The following ACSBG1 variants were observed in gnomAD, a reference collection of about 807,000 sequenced individuals.
The protein encoded by ACSBG1 is long-chain-fatty-acid--CoA ligase ACSBG1.
In ACSBG1, 39 loss-of-function variants were observed where a neutral mutation model predicts 80.2. That is an observed-to-expected ratio of 0.49 (90% CI 0.38 to 0.64). ACSBG1 has a LOEUF of 0.64. ACSBG1 is among the 30% of genes least tolerant of loss of function. The probability of loss-of-function intolerance (pLI) is 0.00; values close to 1 mark genes in which losing one functional copy is unlikely to be tolerated. For synonymous variants in ACSBG1, 392 were observed against 379.5 expected (o/e 1.03, Z -0.38); for missense variants, 828 against 966.4 (o/e 0.86, Z 1.90).
intron 11 of ACSBG1, among the ~76,000 whole-genome samples, chr15:78,176,786 G>A (rs2074886918): frequency 6.6e-6 from 1 of 151,976 alleles, no homozygotes; most frequent in African/African-American, 2.4e-5. Context: ...AGCCAGTTGT[G>A]GTGGCTTGCA....
chr15:78,198,822 G>C (rs1242374673), intron 2 of ACSBG1, among the ~76,000 whole-genome samples: 1 of 152,190 alleles, frequency 6.6e-6, no homozygotes, highest in Non-Finnish European at 1.5e-5. Context: ...TGGCAGGGGA[G>C]AGAGATCATC....
intron 2 of ACSBG1, among the ~76,000 whole-genome samples, chr15:78,204,342 G>T (rs11854348): frequency 6.6e-6 from 1 of 152,222 alleles, no homozygotes; most frequent in Non-Finnish European, 1.5e-5. Flanking sequence ...CTGTAAAGGT[G>T]AGCATGCTCA....
At chr15:78,179,465 G>A in intron 10 of ACSBG1, 85 bp downstream of exon 10, 1 of 1,284,670 alleles carries the variant, frequency 7.8e-7, no homozygotes, top group Non-Finnish European at 1.1e-6. Context: ...AAAGAGAAGG[G>A]GATCCCCAGG....
intron 5 of ACSBG1, among the ~76,000 whole-genome samples, chr15:78,188,288 T>C (rs1162748458): frequency 6.6e-6 from 1 of 152,112 alleles, no homozygotes; most frequent in East Asian, 1.9e-4. Context: ...CCCATCAAGC[T>C]ACCAATGACT....
chr15:78,209,027 T>C (rs2075244158), intron 1 of ACSBG1: 3 of 404,296 alleles, frequency 7.4e-6, no homozygotes, highest in East Asian at 7.2e-5. Flanking sequence ...GCATGCAACC[T>C]GTGCAGCTGG....
chr15:78,207,375 T>A (rs1404932167), intron 2 of ACSBG1, among the ~76,000 whole-genome samples: 1 of 152,158 alleles, frequency 6.6e-6, no homozygotes, highest in Non-Finnish European at 1.5e-5. Flanking sequence ...GTATCTATTG[T>A]TTTCTTTTTG....
chr15:78,215,169 C>G (rs1388131428), intron 1 of ACSBG1, among the ~76,000 whole-genome samples: 1 of 152,196 alleles, frequency 6.6e-6, no homozygotes, highest in Non-Finnish European at 1.5e-5. Flanking sequence ...CAGACCTCTC[C>G]TTTGTCCTGA....
At chr15:78,233,862 C>T (rs1401507224) in intron 1 of ACSBG1, among the ~76,000 whole-genome samples, 1 of 152,184 alleles carries the variant, frequency 6.6e-6, no homozygotes, top group Non-Finnish European at 1.5e-5. Context: ...CTCTAAATCA[C>T]AGATTACTGG....
Position 78,178,472 on chromosome 15 carries a change from GT to G in ACSBG1, c.1702+141del. The G allele has an allele frequency of 1.1e-6, 1 of 893,638 alleles. No individual in the cohort carries two copies. The allele number at this position is 893,638 out of a possible 1,614,324, so 55.4% of individuals were successfully genotyped here. On this transcript the variant is annotated intron_variant, in intron 11 of 13. Transcript: ENST00000258873. The surrounding 1 kb of genome is among the most constrained non-coding windows in gnomAD (Gnocchi z 4.3). ...TGCCACCACGCCCAGCTAATTTTTC[GT>G]GTGTTTTTAGTAGAGATGGGGTTTC...
intron 1 of ACSBG1, chr15:78,212,871 G>C: frequency 4.3e-6 from 1 of 234,588 alleles, no homozygotes; most frequent in South Asian, 4.8e-5. Flanking sequence ...AACACCCTCA[G>C]AATCAATGGA....
chr15:78,194,518 C>T lies in ACSBG1; in HGVS notation c.441G>A (p.Lys147=). ...GGGGCCCCCTTACCTTCAGGAAGCC[C>T]TTGGCGGCTCTGCGGGCGAGCAGGT... ...QYYLLARRAA[K]GFLKLGLKQA... The change falls in exon 3 of 14, where the codon AAG becomes AAA. Residue 147 remains lysine, a synonymous_variant. Coordinates refer to ENST00000258873, the MANE Select transcript of ACSBG1 (RefSeq NM_015162.5). 6.2e-7 allele frequency: 1 copy of T among 1,614,188 alleles called. No homozygotes were observed. Among genetic ancestry groups the T allele is most frequent in the Non-Finnish European group, 8.5e-7 (1 of 1,180,012 alleles).
chr15:78,180,868 C>T lies in ACSBG1; in HGVS notation c.1140G>A (p.Glu380=). ...CCTCCTGGATGCGCTCCATGATCTT[C>T]TCCCATACCCGGGGCACCCCCATGT... is the stretch of plus-strand genomic sequence containing the variant. ...TSHMGVPRVW[E]KIMERIQEVA... is the part of the protein sequence containing the mutation. The change falls in exon 9 of 14, where the codon GAG becomes GAA. Residue 380 remains glutamate (E), a synonymous_variant. Coordinates refer to ENST00000258873, the MANE Select transcript of ACSBG1 (RefSeq NM_015162.5). 6.2e-7 allele frequency: 1 copy of T among 1,614,238 alleles called. No individual in the cohort carries two copies. The highest frequency in any genetic ancestry group is 8.5e-7 in the Non-Finnish European group (1 of 1,180,042).
chr15:78,186,996 C>A (rs573765610), intron 5 of ACSBG1, among the ~76,000 whole-genome samples: 50 of 152,222 alleles, frequency 3.3e-4, no homozygotes, highest in African/African-American at 1.1e-3. Flanking sequence ...GGGGATATCA[C>A]CACCAATCCC....
At chr15:78,230,046 C>T (rs1378340312) in intron 1 of ACSBG1, among the ~76,000 whole-genome samples, 1 of 152,212 alleles carries the variant, frequency 6.6e-6, no homozygotes, top group Non-Finnish European at 1.5e-5. Flanking sequence ...CTTCCAAGCC[C>T]TTCCTCCACA....
rs1485546910 is a variant in ACSBG1, at chr15:78,194,586, T to G, written c.373A>C (p.Lys125Gln). The G allele has an allele frequency of 6.2e-7, 1 of 1,614,238 alleles. No individual in the cohort carries two copies. Residue 125 changes from lysine (K) to glutamine (Q), a missense_variant, in exon 3 of 14, where the codon AAG (lysine) becomes CAG (glutamine). Physicochemically the swap from Lys to Gln is moderately conservative, Grantham distance 53. Transcript: ENST00000258873. ...ATGTGTTCCCACTTGTCCTGGCGCTTGAAGCCCAAAGCGATGAGGTCCCCA... is the reference window on the plus strand; with the variant it reads ...ATGTGTTCCCACTTGTCCTGGCGCTGGAAGCCCAAAGCGATGAGGTCCCCA... Reference protein sequence around the residue: ...KYGDLIALGFKRQDKWEHISY... With the variant: ...KYGDLIALGFQRQDKWEHISY...
In ACSBG1 at chr15:78,207,504, GCCTT is replaced by G. The variant is rs1450633822; in HGVS notation, c.232+494_232+497del. 4.0e-5 allele frequency among the ~76,000 whole-genome samples: 6 copies of G among 151,760 alleles called. No individual in the cohort carries two copies. In the East Asian group the frequency reaches 9.7e-4, roughly 24 times the overall value. On this transcript the variant is annotated intron_variant, in intron 2 of 13. Coordinates refer to ENST00000258873, the MANE Select transcript of ACSBG1 (RefSeq NM_015162.5). Reference sequence around the variant, plus strand: ...CTTCAGAGTCAGAGTAAATAACTCTGCCTTCCTTAAGGCACAATTATTTGATGGT... The same window carrying G: ...CTTCAGAGTCAGAGTAAATAACTCTGCCTTAAGGCACAATTATTTGATGGT...
chr15:78,209,572 C>T (rs2069809831), intron 1 of ACSBG1, among the ~76,000 whole-genome samples: 1 of 152,180 alleles, frequency 6.6e-6, no homozygotes, highest in Non-Finnish European at 1.5e-5. Flanking sequence ...GTAGAAGCTG[C>T]CTCCACTTTG....
At chr15:78,217,881 A>G (rs2075325572) in intron 1 of ACSBG1, among the ~76,000 whole-genome samples, 1 of 152,146 alleles carries the variant, frequency 6.6e-6, no homozygotes, top group Non-Finnish European at 1.5e-5. Context: ...AATGTTTTAT[A>G]TAAACCATGC....
intron 1 of ACSBG1, among the ~76,000 whole-genome samples, chr15:78,233,307 G>C (rs536631735): frequency 6.6e-6 from 1 of 152,318 alleles, no homozygotes; most frequent in African/African-American, 2.4e-5. Flanking sequence ...CCAGCCCTCG[G>C]AGGGGCCTCT....
Sources: gnomAD v4.1 joint callset for allele counts (sites outside exome capture counted in the v4.1 genomes callset) on GRCh38, gnomAD v4.1.1 for gene constraint, Gnocchi (gnomAD v3.1) non-coding constraint, MANE v1.5 for transcripts, NCBI Gene and HGNC (gene_info 2026-07-23, HGNC 2026-07-21) for gene names.